The following CREBRF variants were observed in gnomAD, a reference collection of about 807,000 sequenced individuals.
CREBRF encodes CREB3 regulatory factor, also known as UPF0474 protein C5orf41.
In CREBRF, 5 loss-of-function variants were observed where a neutral mutation model predicts 66.1. The observed-to-expected ratio is 0.08, with a 90% CI of 0.04 to 0.16. The LOEUF is 0.16. CREBRF is among the 10% of genes least tolerant of loss of function. The probability of loss-of-function intolerance (pLI) is 1.00; values close to 1 mark genes in which losing one functional copy is unlikely to be tolerated. For missense variants in CREBRF, 531 were observed against 744.9 expected, an observed-to-expected ratio of 0.71 and a Z score of 3.34; for synonymous variants, 229 against 264.4, an observed-to-expected ratio of 0.87 and a Z score of 1.30.
rs1035693505 is a variant in CREBRF at position 173,060,868 on chromosome 5, C to G, written c.-192+4389C>G. Among the ~76,000 whole-genome samples the G allele has an allele frequency of 5.9e-5, 9 of 152,188 alleles. No homozygotes were observed. The East Asian group carries it at 1.7e-3, about 29-fold the overall frequency. On this transcript the variant is annotated intron_variant, in intron 1 of 8. Coordinates refer to ENST00000296953, the MANE Select transcript of CREBRF (RefSeq NM_153607.3). ...GTTCTACATATTTTTGGGCTCTATT[C>G]CAATAAAACTTTATTTACAAGGTCA... is the stretch of plus-strand genomic sequence containing the variant.
chr5:173,062,568 C>T (rs1757306591), intron 1 of CREBRF, among the ~76,000 whole-genome samples: 1 of 151,630 alleles, frequency 6.6e-6, no homozygotes, highest in Non-Finnish European at 1.5e-5. Context: ...CAGATGAACT[C>T]CATTAGTTAG....
At chr5:173,068,515 T>A (rs1305560986) in intron 1 of CREBRF, among the ~76,000 whole-genome samples, 1 of 152,196 alleles carries the variant, frequency 6.6e-6, no homozygotes, top group Non-Finnish European at 1.5e-5. Flanking sequence ...ATGTAATTGT[T>A]TGAACAATAA....
At chr5:173,110,019 A>C (rs1649305656) in intron 5 of CREBRF, 2 of 195,778 alleles carry the variant, frequency 1.0e-5, no homozygotes, top group Non-Finnish European at 2.1e-5. Flanking sequence ...ACAAAAGAAG[A>C]GCTTTTAAAC....
chr5:173,084,489 T>C (rs781068823), intron 2 of CREBRF, among the ~76,000 whole-genome samples: 1 of 152,082 alleles, frequency 6.6e-6, no homozygotes, highest in Non-Finnish European at 1.5e-5. Flanking sequence ...CTGGTACTAA[T>C]CACTTTTCTG....
intron 2 of CREBRF, among the ~76,000 whole-genome samples, chr5:173,083,227 AAT>A (rs1758022446): frequency 6.6e-6 from 1 of 152,024 alleles, no homozygotes; most frequent in African/African-American, 2.4e-5. Context: ...AAAATAAATA[AAT>A]AAAAGAAATT....
intron 1 of CREBRF, among the ~76,000 whole-genome samples, chr5:173,062,770 C>T (rs1466093653): frequency 5.0e-5 from 6 of 119,226 alleles, no homozygotes; most frequent in East Asian, 2.3e-4. Context: ...TTTTTTGAGA[C>T]GGAGTCTTGC....
intron 1 of CREBRF, among the ~76,000 whole-genome samples, chr5:173,066,808 C>CT (rs34093582): frequency 0.021 from 1,310 of 62,778 alleles, 4 homozygotes; most frequent in East Asian, 0.026. Flanking sequence ...TTCATTGAAT[C>CT]TTTTTTTTTT....
Position 173,138,348 on chromosome 5 carries a change from T to C in CREBRF, c.*4603T>C, listed in dbSNP as rs1242350540. 1.3e-5 allele frequency: 2 copies of C among 152,224 alleles called. No homozygotes were observed. The highest frequency in any genetic ancestry group is 2.4e-5 in the African/African-American group (1 of 41,454). 9.4% of individuals were successfully genotyped at this position (152,224 alleles called of 1,614,324 possible). A position where few individuals can be genotyped will look rare whatever the true frequency, so the allele number is the denominator to read the frequency against. On this transcript the variant is annotated 3_prime_UTR_variant, in exon 9 of 9. Coordinates refer to ENST00000296953, the MANE Select transcript of CREBRF (RefSeq NM_153607.3). Reference sequence around the variant, plus strand: ...GATGAAAATGTACTACTGAAAGTTATACACTTCCATAGGCAAATGGGATTA... The same window carrying C: ...GATGAAAATGTACTACTGAAAGTTACACACTTCCATAGGCAAATGGGATTA...
intron 3 of CREBRF, among the ~76,000 whole-genome samples, chr5:173,088,220 T>G (rs1246462477): frequency 6.8e-6 from 1 of 147,062 alleles, no homozygotes; most frequent in East Asian, 2.1e-4. Context: ...TTCTGGAGGC[T>G]CCAGGGCAGC....
rs1279275815 is a variant in CREBRF, at chr5:173,091,141, C to T, written c.962C>T (p.Ala321Val). 6.2e-7 allele frequency: 1 copy of T among 1,614,196 alleles called. No individual in the cohort carries two copies. The highest frequency in any genetic ancestry group is 8.5e-7 in the Non-Finnish European group (1 of 1,180,038). ...GCAGGAGAGAGCAGCAGTCTTTCTG[C>T]CAGTACATCAGTCTCAGATTCATCC... ...LAAGESSSLS[A>V]STSVSDSSQK... is the part of the protein sequence containing the mutation. Residue 321 changes from alanine (A) to valine (V), a missense_variant, in exon 4 of 9, where the codon GCC becomes GTC. Physicochemically the swap from Ala to Val is moderately conservative, Grantham distance 64. This residue lies in a region of CREBRF where 309 missense variants were observed against 341.4 expected (regional missense o/e 0.90). Transcript: ENST00000296953.
chr5:173,066,383 G>A (rs907097923), intron 1 of CREBRF, among the ~76,000 whole-genome samples: 3 of 151,982 alleles, frequency 2.0e-5, no homozygotes, highest in Non-Finnish European at 4.4e-5. Context: ...CCTACAAATT[G>A]TTTGATAACA....
intron 7 of CREBRF, among the ~76,000 whole-genome samples, chr5:173,115,871 A>G (rs1042794553): frequency 1.3e-5 from 2 of 152,126 alleles, no homozygotes; most frequent in Admixed American, 6.6e-5. Flanking sequence ...CGGCCTCCCA[A>G]AGTGCTGGGA....
At chr5:173,103,901 T>C (rs1758687379) in intron 4 of CREBRF, among the ~76,000 whole-genome samples, 1 of 152,224 alleles carries the variant, frequency 6.6e-6, no homozygotes. Flanking sequence ...ATTTGTTACT[T>C]TTTTTGGTAA....
At chr5:173,127,531 C>G (rs1489024002) in intron 8 of CREBRF, among the ~76,000 whole-genome samples, 1 of 150,498 alleles carries the variant, frequency 6.6e-6, no homozygotes, top group Non-Finnish European at 1.5e-5. Flanking sequence ...ACGATCTCGG[C>G]TTACTGCAAC....
chr5:173,108,140 A>T (rs1758791650), intron 4 of CREBRF, among the ~76,000 whole-genome samples: 1 of 151,908 alleles, frequency 6.6e-6, no homozygotes, highest in Non-Finnish European at 1.5e-5. Flanking sequence ...CCTACAAAAA[A>T]TTTTTTAAAA....
intron 1 of CREBRF, among the ~76,000 whole-genome samples, chr5:173,069,588 C>T (rs973725019): frequency 3.0e-4 from 45 of 152,204 alleles, no homozygotes; most frequent in African/African-American, 1.1e-3. Context: ...TCCCAAAGTG[C>T]AGGGATTACA....
chr5:173,100,399 C>T (rs1035969281), intron 4 of CREBRF, among the ~76,000 whole-genome samples: 3 of 151,576 alleles, frequency 2.0e-5, no homozygotes, highest in Non-Finnish European at 4.4e-5. Flanking sequence ...TATTTTTACA[C>T]AGTGAATTTT....
rs1172315127 is a variant in CREBRF at position 173,133,742 on chromosome 5, G to A, written c.1917G>A (p.Val639=). 1 of 1,539,078 alleles carries A rather than the reference G, an allele frequency of 6.5e-7. No individual in the cohort carries two copies. Among genetic ancestry groups the A allele is most frequent in the African/African-American group, 1.4e-5 (1 of 73,316 alleles). The change falls in exon 9 of 9, where the codon GTG becomes GTA. Residue 639 remains valine, a synonymous_variant. Coordinates refer to ENST00000296953, the MANE Select transcript of CREBRF (RefSeq NM_153607.3). ...LVGLRIPTSK[V] ...GATTAAGGATACCAACATCAAAGGT[G>A]TAATCAGCCTCATTGGACCACTGGT...
rs1220011048 is a variant in CREBRF, at chr5:173,110,725, A to T, written c.1607+14A>T. On this transcript the variant is annotated intron_variant, in intron 6 of 8. Transcript: ENST00000296953. The stretch of plus-strand genomic sequence containing the variant: ...GCTGGCTTCCAGGTAAATGCTAATA[A>T]TGTTCACTCATGTGAAGAAAGTTTA... 6.3e-7 allele frequency: 1 copy of T among 1,592,720 alleles called. No individual in the cohort carries two copies. The highest frequency in any genetic ancestry group is 1.1e-5 in the South Asian group (1 of 87,130).
Sources: gnomAD v4.1 joint callset for allele counts (sites outside exome capture counted in the v4.1 genomes callset) on GRCh38, gnomAD v4.1.1 for gene constraint, gnomAD v4.1.1 regional missense constraint, MANE v1.5 for transcripts, NCBI Gene and HGNC (gene_info 2026-07-23, HGNC 2026-07-21) for gene names.